ZDHHC15: variants seen among roughly 807,000 people sequenced by gnomAD.
The protein encoded by ZDHHC15 is palmitoyltransferase ZDHHC15.
ZDHHC15 carries 19 observed loss-of-function variants against 31.7 expected under a neutral mutation model. The observed-to-expected ratio is 0.60, with a 90% CI of 0.42 to 0.88. ZDHHC15 has a LOEUF of 0.88. Among genes scored for constraint, ZDHHC15 ranks in the 40% least tolerant of loss-of-function variants. The pLI is 0.00. For synonymous variants in ZDHHC15, 103 were observed against 90.0 expected (o/e 1.14, Z -0.82); for missense variants, 209 against 251.2 (o/e 0.83, Z 1.14).
chrX:75,462,856 A>T (rs1481253489), intron 3 of ZDHHC15, among the ~76,000 whole-genome samples: 1 of 111,369 alleles, frequency 9.0e-6, no homozygotes, highest in South Asian at 3.8e-4. Context: ...TCACAACTAA[A>T]AGAACTAGAG....
chrX:75,407,196 C>T (rs1047890776), intron 10 of ZDHHC15, among the ~76,000 whole-genome samples: 1 of 108,966 alleles, frequency 9.2e-6, no homozygotes, highest in African/African-American at 3.4e-5. Context: ...CATCTGGGAA[C>T]TGAGGAGTGT....
chrX:75,450,819 G>A lies in ZDHHC15; in HGVS notation c.362C>T (p.Thr121Ile). Reference sequence around the variant, plus strand: ...GAACTGACCTCCACTTCCAGTTCTTGTGTAAACCGGTAGCTTTTTGGCCAT... The same window carrying A: ...GAACTGACCTCCACTTCCAGTTCTTATGTAAACCGGTAGCTTTTTGGCCAT... The part of the protein sequence containing the change: ...VDMAKKLPVY[T>I]RTGSGAVRFC... Residue 121 changes from threonine to isoleucine, a missense_variant, in exon 4 of 12, where the codon ACA (threonine) becomes ATA (isoleucine). Coordinates refer to ENST00000373367, the MANE Select transcript of ZDHHC15 (RefSeq NM_144969.3). 8.3e-7 allele frequency: 1 copy of A among 1,210,793 alleles called. No individual in the cohort carries two copies.
intron 3 of ZDHHC15, among the ~76,000 whole-genome samples, chrX:75,463,207 A>C (rs1417444142): frequency 9.0e-6 from 1 of 111,361 alleles, no homozygotes; most frequent in Non-Finnish European, 1.9e-5. Context: ...TGAACAAGGA[A>C]GAAATTAAAT....
intron 7 of ZDHHC15, among the ~76,000 whole-genome samples, chrX:75,428,575 C>A (rs1170730072): frequency 9.0e-6 from 1 of 110,671 alleles, no homozygotes; most frequent in Non-Finnish European, 1.9e-5. Flanking sequence ...AAAAAACAAA[C>A]AAAAAAACCC....
intron 4 of ZDHHC15, among the ~76,000 whole-genome samples, chrX:75,437,814 G>T (rs1464568406): frequency 9.0e-6 from 1 of 110,672 alleles, no homozygotes; most frequent in African/African-American, 3.3e-5. Context: ...TAATGGGATG[G>T]CTGGGTCAAA....
At chrX:75,375,914 G>GTA in intron 11 of ZDHHC15, among the ~76,000 whole-genome samples, 1 of 111,731 alleles carries the variant, frequency 9.0e-6, no homozygotes, top group South Asian at 3.8e-4. Flanking sequence ...TTTTCCTTGG[G>GTA]TATATATACC....
In ZDHHC15 at chrX:75,477,241, C is replaced by A. The variant is rs937520371; in HGVS notation, c.258+1650G>T. On this transcript the variant is annotated intron_variant, in intron 3 of 11. Transcript: ENST00000373367. ...CACAATCAGAGAAGATATTTTGTGT[C>A]TTTTAAATTTATTGAGTCTTGTATT... 5.7e-4 allele frequency among the ~76,000 whole-genome samples: 15 copies of A among 26,234 alleles called. No homozygotes were observed. The East Asian group carries it at 0.065, about 115-fold the overall frequency. The allele number at this position is 26,234 out of a possible 115,157, so 22.8% of individuals were successfully genotyped here. A position where few individuals can be genotyped will look rare whatever the true frequency, so the allele number is the denominator to read the frequency against.
intron 2 of ZDHHC15, among the ~76,000 whole-genome samples, chrX:75,489,499 T>A (rs1312990631): frequency 8.9e-6 from 1 of 112,057 alleles, no homozygotes; most frequent in Admixed American, 9.5e-5. Context: ...GTGGACCTCC[T>A]GAAAATTCCA....
At chrX:75,484,077 A>G (rs773317402) in intron 2 of ZDHHC15, among the ~76,000 whole-genome samples, 1 of 112,234 alleles carries the variant, frequency 8.9e-6, no homozygotes, top group Non-Finnish European at 1.9e-5. Flanking sequence ...ATACCATTTG[A>G]TCTAATGTAT....
intron 10 of ZDHHC15, among the ~76,000 whole-genome samples, chrX:75,400,008 C>T (rs1159187390): frequency 9.0e-6 from 1 of 111,709 alleles, no homozygotes; most frequent in Non-Finnish European, 1.9e-5. Flanking sequence ...TAAAGAAACA[C>T]CCACACGCAG....
intron 2 of ZDHHC15, among the ~76,000 whole-genome samples, chrX:75,499,681 G>C (rs1186463108): frequency 8.9e-6 from 1 of 111,878 alleles, no homozygotes; most frequent in Non-Finnish European, 1.9e-5. Context: ...CTAATGGGAA[G>C]GTAAACTATT....
intron 10 of ZDHHC15, among the ~76,000 whole-genome samples, chrX:75,397,326 C>CAAA (rs143476870): frequency 2.1e-5 from 2 of 96,210 alleles, no homozygotes; most frequent in African/African-American, 7.7e-5. Flanking sequence ...GACTCCATCT[C>CAAA]AAAAAAAAAA....
chrX:75,475,969 T>A (rs1406171346), intron 3 of ZDHHC15, among the ~76,000 whole-genome samples: 11 of 111,687 alleles, frequency 9.8e-5, no homozygotes, highest in Non-Finnish European at 7.5e-5. Context: ...ATGTTTTTGG[T>A]GCTATTATAA....
At chrX:75,441,936 TC>T (rs1350049742) in intron 4 of ZDHHC15, among the ~76,000 whole-genome samples, 1 of 111,254 alleles carries the variant, frequency 9.0e-6, no homozygotes, top group Non-Finnish European at 1.9e-5. Context: ...CTGTGGTAGT[TC>T]TTAGATCAAA....
intron 2 of ZDHHC15, among the ~76,000 whole-genome samples, chrX:75,480,976 G>C (rs2084680309): frequency 9.0e-6 from 1 of 111,094 alleles, no homozygotes; most frequent in Non-Finnish European, 1.9e-5. Context: ...CTCTTCCATT[G>C]CCCTCTAGAA....
At chrX:75,491,641 G>T (rs1439143047) in intron 2 of ZDHHC15, among the ~76,000 whole-genome samples, 4 of 109,315 alleles carry the variant, frequency 3.7e-5, no homozygotes, top group African/African-American at 1.0e-4. Context: ...TAAAATAAAA[G>T]AAAAAAAAGA....
chrX:75,508,761 C>T (rs1467964779), intron 1 of ZDHHC15, among the ~76,000 whole-genome samples: 1 of 110,992 alleles, frequency 9.0e-6, no homozygotes, highest in Non-Finnish European at 1.9e-5. Flanking sequence ...TCCAGTCCCA[C>T]CAACAGTGTA....
intron 3 of ZDHHC15, among the ~76,000 whole-genome samples, chrX:75,469,704 A>G (rs1433323722): frequency 8.9e-6 from 1 of 111,768 alleles, no homozygotes; most frequent in Non-Finnish European, 1.9e-5. Flanking sequence ...CATCTCTTTG[A>G]GACCTTGCTG....
chrX:75,404,208 C>T (rs868692115), intron 10 of ZDHHC15, among the ~76,000 whole-genome samples: 1 of 111,798 alleles, frequency 8.9e-6, no homozygotes, highest in South Asian at 3.7e-4. Context: ...CTTCCTTACA[C>T]CATATACAAA....
Sources: allele counts gnomAD v4.1 joint callset (sites outside exome capture counted in the v4.1 genomes callset), GRCh38; gene constraint gnomAD v4.1.1; transcripts MANE v1.5; gene names NCBI Gene and HGNC (gene_info 2026-07-23, HGNC 2026-07-21).